The following EML4 variants were observed in gnomAD, a reference collection of about 807,000 sequenced individuals.
EML4 encodes EMAP like 4, also known as echinoderm microtubule-associated protein-like 4.
Under a neutral mutation model 129.0 loss-of-function variants are expected in EML4, and 72 were observed. The ratio of observed to expected loss-of-function variants is 0.56; its 90% CI spans 0.46 to 0.68. The LOEUF is 0.68. Among genes scored for constraint, EML4 ranks in the 30% least tolerant of loss-of-function variants. The probability of loss-of-function intolerance (pLI) is 0.00; values close to 1 mark genes in which losing one functional copy is unlikely to be tolerated. For missense variants in EML4, 1,363 were observed against 1,190.6 expected, an observed-to-expected ratio of 1.14 and a Z score of -2.13; for synonymous variants, 532 against 405.0, an observed-to-expected ratio of 1.31 and a Z score of -3.77.
chr2:42,245,252 G>A (rs1675322787), intron 1 of EML4, among the ~76,000 whole-genome samples: 1 of 151,412 alleles, frequency 6.6e-6, no homozygotes, highest in African/African-American at 2.4e-5. Context: ...GCATCATCAT[G>A]CCTGGCTAAT....
At chr2:42,180,644 G>A (rs1252609727) in intron 1 of EML4, among the ~76,000 whole-genome samples, 1 of 152,128 alleles carries the variant, frequency 6.6e-6, no homozygotes, top group Non-Finnish European at 1.5e-5. Flanking sequence ...CTAAATGGAT[G>A]CCCTATCACC....
chr2:42,210,326 C>G (rs1354162519), intron 1 of EML4, among the ~76,000 whole-genome samples: 1 of 152,050 alleles, frequency 6.6e-6, no homozygotes, highest in East Asian at 1.9e-4. Flanking sequence ...TAGAATGTCC[C>G]TCTTTTGGAA....
intron 1 of EML4, among the ~76,000 whole-genome samples, chr2:42,180,995 G>T (rs1013820126): frequency 1.3e-5 from 2 of 152,074 alleles, no homozygotes; most frequent in African/African-American, 4.8e-5. Flanking sequence ...ATGCAATTTT[G>T]GGAGAAATGC....
Position 42,330,188 on chromosome 2 carries a change from A to T in EML4, c.2927A>T (p.Asp976Val), listed in dbSNP as rs753334969. 6.2e-7 allele frequency: 1 copy of T among 1,612,544 alleles called. No individual in the cohort carries two copies. Among genetic ancestry groups the T allele is most frequent in the Non-Finnish European group, 8.5e-7 (1 of 1,179,752 alleles). ...AKATLLEDQQ[D>V]PSPSS ...GCCACCCTTCTGGAGGACCAGCAAG[A>T]CCCTTCGCCCTCGTCCTAACACCCT... is the stretch of plus-strand genomic sequence containing the variant. Residue 976 changes from aspartate to valine, a missense_variant, in exon 23 of 23, where the codon GAC becomes GTC. Physicochemically the swap from Asp to Val is radical, Grantham distance 152. Coordinates refer to ENST00000318522, the MANE Select transcript of EML4 (RefSeq NM_019063.5).
intron 1 of EML4, among the ~76,000 whole-genome samples, chr2:42,233,792 T>G (rs1244215588): frequency 1.3e-5 from 2 of 152,236 alleles, no homozygotes; most frequent in Non-Finnish European, 2.9e-5. Context: ...CCTTTAGTTT[T>G]GTTACAATTC....
rs536124433 is a variant in EML4, at chr2:42,257,911, C to CAAA, written c.338+1282_338+1284dup. 4.0e-5 allele frequency among the ~76,000 whole-genome samples: 6 copies of CAAA among 151,836 alleles called. No individual in the cohort carries two copies. The South Asian group carries it at 1.2e-3, about 32-fold the overall frequency. ...ATTACAGAATCTAGACTTTCCCCTA[C>CAAA]AAAGGATGCTAAACTTTATTACCTG... On this transcript the variant is annotated intron_variant, in intron 3 of 22. Transcript: ENST00000318522.
chr2:42,213,812 C>G (rs1673020415), intron 1 of EML4, among the ~76,000 whole-genome samples: 1 of 152,104 alleles, frequency 6.6e-6, no homozygotes, highest in Non-Finnish European at 1.5e-5. Flanking sequence ...TTACAACTGG[C>G]TAGAAAGTAC....
intron 1 of EML4, among the ~76,000 whole-genome samples, chr2:42,205,487 C>T (rs1009517539): frequency 6.7e-6 from 1 of 148,968 alleles, no homozygotes; most frequent in African/African-American, 2.5e-5. Flanking sequence ...ATTAAATGCC[C>T]CTGCCCTCAG....
At position 42,329,004 on chromosome 2, in the gene EML4, C is replaced by T; in HGVS notation, c.2460C>T (p.Cys820=). 8.7e-6 allele frequency: 14 copies of T among 1,612,036 alleles called. No homozygotes were observed. The highest frequency in any genetic ancestry group is 1.2e-5 in the Non-Finnish European group (14 of 1,179,564). ...FCKVHLFQYP[C]SKAKAPSHKY... is the part of the protein sequence containing the mutation. Reference sequence around the variant, plus strand: ...AAGTCCATCTGTTTCAGTATCCCTGCTCCAAAGCAAAGGTAAACTCACTTT... The same window carrying T: ...AAGTCCATCTGTTTCAGTATCCCTGTTCCAAAGCAAAGGTAAACTCACTTT... The change falls in exon 22 of 23, where the codon TGC becomes TGT. Residue 820 remains cysteine, a synonymous_variant. Transcript: ENST00000318522.
At chr2:42,185,405 A>G (rs910289401) in intron 1 of EML4, among the ~76,000 whole-genome samples, 1 of 152,210 alleles carries the variant, frequency 6.6e-6, no homozygotes, top group Admixed American at 6.5e-5. Flanking sequence ...GAGTAGTAGT[A>G]ACAGAGACCA....
At chr2:42,250,835 C>A (rs780734626) in intron 2 of EML4, among the ~76,000 whole-genome samples, 7 of 152,232 alleles carry the variant, frequency 4.6e-5, no homozygotes, top group Admixed American at 1.3e-4. Context: ...ATACAACTCA[C>A]CATAATGTAG....
intron 10 of EML4, 32 bp downstream of exon 10, chr2:42,286,411 C>T (rs780692010): frequency 1.6e-5 from 21 of 1,311,164 alleles, no homozygotes; most frequent in Non-Finnish European, 2.2e-5. Context: ...AGTAAGCAAG[C>T]TGAACAAAAA....
intron 1 of EML4, among the ~76,000 whole-genome samples, chr2:42,181,898 C>G (rs1416288955): frequency 2.0e-5 from 3 of 152,052 alleles, no homozygotes; most frequent in Admixed American, 1.3e-4. Flanking sequence ...TGCTGGAGTC[C>G]TCGTCACAGT....
At chr2:42,182,019 C>G (rs563476766) in intron 1 of EML4, among the ~76,000 whole-genome samples, 61 of 152,046 alleles carry the variant, frequency 4.0e-4, no homozygotes, top group African/African-American at 1.4e-3. Context: ...CCTCCTTTTA[C>G]ATATAGTTAC....
chr2:42,207,711 G>A (rs1672644484), intron 1 of EML4, among the ~76,000 whole-genome samples: 1 of 152,058 alleles, frequency 6.6e-6, no homozygotes, highest in South Asian at 2.1e-4. Flanking sequence ...CTTACTTTCT[G>A]GTCTTCACTC....
chr2:42,281,342 A>T (rs888509780), intron 7 of EML4, among the ~76,000 whole-genome samples: 1 of 151,938 alleles, frequency 6.6e-6, no homozygotes, highest in African/African-American at 2.4e-5. Flanking sequence ...GCAGTGAGCC[A>T]AGATCACGCC....
chr2:42,295,304 A>G (rs759616660), intron 12 of EML4, 45 bp downstream of exon 12: 8 of 1,595,390 alleles, frequency 5.0e-6, no homozygotes, highest in Non-Finnish European at 4.3e-6. Flanking sequence ...ATAAGACTTT[A>G]ATTTTTTTAA....
At chr2:42,192,815 T>C (rs1199944972) in intron 1 of EML4, among the ~76,000 whole-genome samples, 1 of 152,180 alleles carries the variant, frequency 6.6e-6, no homozygotes, top group Non-Finnish European at 1.5e-5. Context: ...CTGATTCCAG[T>C]ATCATGATTT....
chr2:42,309,786 C>T (rs1668830724), intron 17 of EML4, among the ~76,000 whole-genome samples: 1 of 152,250 alleles, frequency 6.6e-6, no homozygotes, highest in South Asian at 2.1e-4. Flanking sequence ...GATACAGTTC[C>T]TTACAGATCT....
Sources: allele counts gnomAD v4.1 joint callset (sites outside exome capture counted in the v4.1 genomes callset), GRCh38; gene constraint gnomAD v4.1.1; transcripts MANE v1.5; gene names NCBI Gene and HGNC (gene_info 2026-07-23, HGNC 2026-07-21).